The following THSD7A variants were observed in gnomAD, a reference collection of about 807,000 sequenced individuals.
The protein encoded by THSD7A is thrombospondin type-1 domain-containing protein 7A.
In THSD7A, 96 loss-of-function variants were observed where a neutral mutation model predicts 231.3. The observed-to-expected ratio is 0.41, with a 90% confidence interval of 0.35 to 0.49. THSD7A has a LOEUF of 0.49. THSD7A is among the 20% of genes least tolerant of loss of function. The pLI, the probability that THSD7A is intolerant of heterozygous loss-of-function variation, is 0.05. For missense variants in THSD7A, 2,290 were observed against 2,070.2 expected (o/e 1.11, Z -2.06); for synonymous variants, 940 against 743.3 (o/e 1.26, Z -4.30).
intron 1 of THSD7A, among the ~76,000 whole-genome samples, chr7:11,648,629 T>G (rs1316198532): frequency 6.7e-6 from 1 of 148,882 alleles, no homozygotes; most frequent in African/African-American, 2.5e-5. Context: ...TCAGGATCTA[T>G]TTTGTGGCGT....
chr7:11,659,091 A>C (rs936740118), intron 1 of THSD7A, among the ~76,000 whole-genome samples: 1 of 151,374 alleles, frequency 6.6e-6, no homozygotes, highest in African/African-American at 2.4e-5. Context: ...TTAATCTCCA[A>C]CTCTTCCAGT....
chr7:11,435,532 C>T (rs1345904972), intron 13 of THSD7A, among the ~76,000 whole-genome samples: 1 of 151,982 alleles, frequency 6.6e-6, no homozygotes, highest in African/African-American at 2.4e-5. Flanking sequence ...ATAATGAAAC[C>T]TGAATAAAAA....
At chr7:11,497,606 A>G (rs1428349611) in intron 6 of THSD7A, among the ~76,000 whole-genome samples, 2 of 152,186 alleles carry the variant, frequency 1.3e-5, no homozygotes, top group Non-Finnish European at 1.5e-5. Context: ...TCTTTAATAC[A>G]TAATAGAACT....
intron 3 of THSD7A, among the ~76,000 whole-genome samples, chr7:11,591,470 G>C (rs1013366): frequency 0.37 from 56,115 of 151,896 alleles, 10,485 homozygotes; most frequent in Non-Finnish European, 0.4. Flanking sequence ...TCACTTTAAC[G>C]AAGATGCTTC....
At chr7:11,676,202 CAGAA>C (rs1371436072) in intron 1 of THSD7A, among the ~76,000 whole-genome samples, 1 of 152,138 alleles carries the variant, frequency 6.6e-6, no homozygotes, top group Non-Finnish European at 1.5e-5. Flanking sequence ...AACTGACAAA[CAGAA>C]AGCAATAGCA....
intron 2 of THSD7A, among the ~76,000 whole-genome samples, chr7:11,628,552 T>TTC (rs139378850): frequency 2.7e-5 from 4 of 150,926 alleles, no homozygotes; most frequent in South Asian, 2.1e-4. Context: ...TGCACGCACT[T>TTC]TCTCTCTCTC....
intron 5 of THSD7A, among the ~76,000 whole-genome samples, chr7:11,541,985 C>G (rs1270964541): frequency 6.6e-6 from 1 of 152,098 alleles, no homozygotes; most frequent in East Asian, 1.9e-4. Flanking sequence ...AAGTCTGTAG[C>G]TATAGAATAT....
chr7:11,828,488 T>C (rs1359475304), intron 1 of THSD7A, among the ~76,000 whole-genome samples: 1 of 152,210 alleles, frequency 6.6e-6, no homozygotes, highest in African/African-American at 2.4e-5. Context: ...TTTGTTCTTA[T>C]AATGTTCTGT....
At chr7:11,560,601 A>G (rs939184331) in intron 4 of THSD7A, among the ~76,000 whole-genome samples, 6 of 152,144 alleles carry the variant, frequency 3.9e-5, no homozygotes, top group Non-Finnish European at 8.8e-5. Context: ...TTAGATACCC[A>G]GTCGTAGAAT....
At chr7:11,611,113 C>T (rs1231820190) in intron 2 of THSD7A, among the ~76,000 whole-genome samples, 1 of 151,998 alleles carries the variant, frequency 6.6e-6, no homozygotes, top group Non-Finnish European at 1.5e-5. Context: ...CTCTATTTTA[C>T]ATATTTGTCA....
chr7:11,490,170 C>T (rs983225866), intron 6 of THSD7A, among the ~76,000 whole-genome samples: 2 of 152,200 alleles, frequency 1.3e-5, no homozygotes, highest in Non-Finnish European at 2.9e-5. Context: ...ATAGCACCCA[C>T]TTTCCAGCCC....
In THSD7A at chr7:11,804,965, C is replaced by G. The variant is rs560144902; in HGVS notation, c.190+26792G>C. ...TTTCCTCGTTCATCATTCATGAACC[C>G]TCATATTTTCTACCAATTCTGAGAA... On this transcript the variant is annotated intron_variant, in intron 1 of 27. Coordinates refer to ENST00000423059, the MANE Select transcript of THSD7A (RefSeq NM_015204.3). 1.2e-4 allele frequency among the ~76,000 whole-genome samples: 18 copies of G among 152,118 alleles called. No individual in the cohort carries two copies. In the East Asian group the frequency reaches 3.3e-3, roughly 28 times the overall value.
At position 11,446,421 on chromosome 7, in the gene THSD7A, C is replaced by T. The variant is rs901704301; in HGVS notation, c.2801-97G>A. On this transcript the variant is annotated intron_variant, in intron 12 of 27. Transcript: ENST00000423059. The surrounding 1 kb of genome is among the most constrained non-coding windows in gnomAD (Gnocchi z 4.0). ...TCTGCTTTCCTAATTTCTTTTTCTT[C>T]ATTTTTAACCATATTTAACAGTAGC... 7.6e-7 allele frequency: 1 copy of T among 1,323,944 alleles called. No individual in the cohort carries two copies. The highest frequency in any genetic ancestry group is 1.4e-5 in the South Asian group (1 of 69,434). 82.0% of individuals were successfully genotyped at this position (1,323,944 alleles called of 1,614,324 possible).
chr7:11,406,205 G>T lies in THSD7A; in HGVS notation c.4237+95C>A. 8.0e-7 allele frequency: 1 copy of T among 1,255,272 alleles called. No individual in the cohort carries two copies. The highest frequency in any genetic ancestry group is 1.1e-6 in the Non-Finnish European group (1 of 903,166). The allele number at this position is 1,255,272 out of a possible 1,614,324, so 77.8% of individuals were successfully genotyped here. ...GATATTACTGAATAAGAAGACTGTT[G>T]ACATCCTGTAACTTATACTTTATAT... is the stretch of plus-strand genomic sequence containing the variant. On this transcript the variant is annotated intron_variant, in intron 22 of 27. Coordinates refer to ENST00000423059, the MANE Select transcript of THSD7A (RefSeq NM_015204.3). This position sits in a 1 kb window ranked among gnomAD's most constrained non-coding sequence, Gnocchi z 4.7.
chr7:11,533,122 T>C (rs1045107362), intron 6 of THSD7A, among the ~76,000 whole-genome samples: 17 of 152,134 alleles, frequency 1.1e-4, no homozygotes, highest in Non-Finnish European at 2.1e-4. Context: ...CAATGAGATA[T>C]ATAGAAAACT....
rs1480675131 is a variant in THSD7A at position 11,501,604 on chromosome 7, C to T, written c.1823-19622G>A. ...TAATGAGAACAAAGATACAACATGC[C>T]AGAATCTCTGGGAAATAGCTAAGGC... On this transcript the variant is annotated intron_variant, in intron 6 of 27. Coordinates refer to ENST00000423059, the MANE Select transcript of THSD7A (RefSeq NM_015204.3). Among the ~76,000 whole-genome samples the T allele has an allele frequency of 3.3e-5, 5 of 152,082 alleles. No homozygotes were observed. In the South Asian group the frequency reaches 8.3e-4, roughly 25 times the overall value.
Position 11,426,740 on chromosome 7 carries a change from A to G in THSD7A, c.3244-69T>C, listed in dbSNP as rs371762940. 8.8e-4 allele frequency: 1,298 copies of G among 1,468,196 alleles called. 1 individual carries two copies. Among genetic ancestry groups the G allele is most frequent in the Non-Finnish European group, 1.1e-3 (1,168 of 1,095,540 alleles). The allele number at this position is 1,468,196 out of a possible 1,614,324, so 90.9% of individuals were successfully genotyped here. A position where few individuals can be genotyped will look rare whatever the true frequency, so the allele number is the denominator to read the frequency against. On this transcript the variant is annotated intron_variant, in intron 14 of 27. Coordinates refer to ENST00000423059, the MANE Select transcript of THSD7A (RefSeq NM_015204.3). ...AGGTAGGTGAAAATGTCAGTATGCT[A>G]TGAGAAGAACACATGGTAAGTTTCA...
In THSD7A at chr7:11,729,206, T is replaced by A. The variant is rs572071182; in HGVS notation, c.191-92245A>T. Among the ~76,000 whole-genome samples the A allele has an allele frequency of 3.9e-5, 6 of 151,934 alleles. No homozygotes were observed. The East Asian group carries it at 1.2e-3, about 30-fold the overall frequency. ...TTTGGGAAGGTTGTTCATTGTGGGATGCAAAAACAAACATTTATATTGTTT... is the reference window on the plus strand; with the variant it reads ...TTTGGGAAGGTTGTTCATTGTGGGAAGCAAAAACAAACATTTATATTGTTT... On this transcript the variant is annotated intron_variant, in intron 1 of 27. Coordinates refer to ENST00000423059, the MANE Select transcript of THSD7A (RefSeq NM_015204.3).
intron 4 of THSD7A, among the ~76,000 whole-genome samples, chr7:11,576,973 G>A (rs1177965396): frequency 2.0e-5 from 3 of 152,172 alleles, no homozygotes; most frequent in African/African-American, 4.8e-5. Flanking sequence ...TGCTTGCAAT[G>A]AGTTTACACT....
Sources: allele counts gnomAD v4.1 joint callset (sites outside exome capture counted in the v4.1 genomes callset), GRCh38; gene constraint gnomAD v4.1.1; non-coding constraint Gnocchi (gnomAD v3.1); transcripts MANE v1.5; gene names NCBI Gene and HGNC (gene_info 2026-07-23, HGNC 2026-07-21).